The following COL6A6 variants were observed in gnomAD, a reference collection of about 807,000 sequenced individuals.
COL6A6 encodes the protein collagen alpha-6(VI) chain.
Under a neutral mutation model 208.6 loss-of-function variants are expected in COL6A6, and 183 were observed. The ratio of observed to expected loss-of-function variants is 0.88; its 90% confidence interval spans 0.78 to 0.99. The LOEUF is 0.99. COL6A6 is among the 50% of genes least tolerant of loss of function. The probability of loss-of-function intolerance (pLI) is 0.00; values close to 1 mark genes in which losing one functional copy is unlikely to be tolerated. For synonymous variants in COL6A6, 973 were observed against 1,011.8 expected (o/e 0.96, Z 0.73); for missense variants, 2,816 against 2,815.2 (o/e 1.00, Z -0.01).
chr3:130,608,978 C>T lies in COL6A6; in HGVS notation c.4752+14C>T. On this transcript the variant is annotated intron_variant, in intron 22 of 36. Transcript: ENST00000358511. ...AAGGGCCCTCAGGTACATATCAAGA[C>T]CAATCAGGGTGTGAGAACATAAAGA... The T allele has an allele frequency of 6.2e-7, 1 of 1,600,236 alleles. No homozygotes were observed. Among genetic ancestry groups the T allele is most frequent in the Non-Finnish European group, 8.6e-7 (1 of 1,168,442 alleles).
intron 6 of COL6A6, among the ~76,000 whole-genome samples, chr3:130,568,905 T>C (rs1453743487): frequency 6.6e-6 from 1 of 152,154 alleles, no homozygotes; most frequent in African/African-American, 2.4e-5. Flanking sequence ...AGGGGCTCTT[T>C]GGAAGTGATT....
At chr3:130,649,587 G>A in intron 33 of COL6A6, 25 bp downstream of exon 33, 4 of 1,532,240 alleles carry the variant, frequency 2.6e-6, no homozygotes, top group Non-Finnish European at 1.8e-6. Context: ...CCTTTCACAT[G>A]ACAATTCTTA....
intron 31 of COL6A6, 77 bp downstream of exon 31, chr3:130,643,100 T>C: frequency 2.7e-6 from 4 of 1,465,228 alleles, no homozygotes; most frequent in African/African-American, 1.4e-5. Flanking sequence ...ACACTCAGAA[T>C]TGAATTCACC....
At chr3:130,574,923 G>A (rs917163855) in intron 8 of COL6A6, among the ~76,000 whole-genome samples, 1 of 152,142 alleles carries the variant, frequency 6.6e-6, no homozygotes, top group African/African-American at 2.4e-5. Flanking sequence ...CTGTGGTACA[G>A]GTAGGTAAGA....
chr3:130,593,327 G>C, intron 17 of COL6A6, 75 bp downstream of exon 17: 3 of 1,129,954 alleles, frequency 2.7e-6, no homozygotes, highest in Non-Finnish European at 4.0e-6. Context: ...AGAATACTCA[G>C]TCAGCTATTG....
intron 1 of COL6A6, among the ~76,000 whole-genome samples, chr3:130,556,273 C>T (rs2062766449): frequency 6.6e-6 from 1 of 152,130 alleles, no homozygotes. Context: ...TAATATTTAT[C>T]TTCATGAGTG....
chr3:130,569,931 G>T lies in COL6A6; in HGVS notation c.2402-887G>T, dbSNP rs544295285. On this transcript the variant is annotated intron_variant, in intron 6 of 36. Coordinates refer to ENST00000358511, the MANE Select transcript of COL6A6 (RefSeq NM_001102608.3). ...AAGAAGAAAATGTGGCAAGCCTCTG[G>T]GGGGTGGGTGCTTTCTCACAATTCC... Among the ~76,000 whole-genome samples, 27 of 152,320 alleles carry T rather than the reference G, an allele frequency of 1.8e-4. No homozygotes were observed. The East Asian group carries it at 4.6e-3, about 26-fold the overall frequency.
In COL6A6 at chr3:130,611,949, G is replaced by A. The variant is rs114949704; in HGVS notation, c.4815+1238G>A. ...ATCCTTTCCCATCCTTTACTTTCAA[G>A]TAGGCCTCAGTGCCTGTTGTTCCCC... On this transcript the variant is annotated intron_variant, in intron 23 of 36. Transcript: ENST00000358511. Among the ~76,000 whole-genome samples the A allele has an allele frequency of 6.1e-3, 929 of 151,950 alleles. 8 individuals carry two copies. The highest frequency in any genetic ancestry group is 0.021 in the African/African-American group (877 of 41,470).
chr3:130,662,203 G>A lies in COL6A6; in HGVS notation c.6397G>A (p.Ala2133Thr), dbSNP rs772177618. The change falls in exon 35 of 37, where the codon GCC becomes ACC. Residue 2133 changes from alanine to threonine, a missense_variant. Coordinates refer to ENST00000358511, the MANE Select transcript of COL6A6 (RefSeq NM_001102608.3). ...IWDDKELEDLASHPLDHHLVQ... is the reference protein window; with the variant it reads ...IWDDKELEDLTSHPLDHHLVQ... ...GGATGACAAGGAACTGGAGGATCTCGCCAGCCACCCTTTGGATCACCACCT... is the reference window on the plus strand; with the variant it reads ...GGATGACAAGGAACTGGAGGATCTCACCAGCCACCCTTTGGATCACCACCT... 3 of 1,613,908 alleles carry A rather than the reference G, an allele frequency of 1.9e-6. No individual in the cohort carries two copies. Among genetic ancestry groups the A allele is most frequent in the South Asian group, 2.2e-5 (2 of 91,082 alleles).
At chr3:130,643,052 A>G in intron 31 of COL6A6, 29 bp downstream of exon 31, 1 of 1,607,870 alleles carries the variant, frequency 6.2e-7, no homozygotes, top group Non-Finnish European at 8.5e-7. Context: ...ATGATCACCC[A>G]AGTTGTCAGC....
chr3:130,670,388 C>A (rs895623438), intron 36 of COL6A6, among the ~76,000 whole-genome samples: 1 of 152,208 alleles, frequency 6.6e-6, no homozygotes, highest in Non-Finnish European at 1.5e-5. Context: ...GGGCACAGCA[C>A]TTGGGGTTTA....
At chr3:130,644,455 A>G (rs1229645451) in intron 31 of COL6A6, among the ~76,000 whole-genome samples, 1 of 152,220 alleles carries the variant, frequency 6.6e-6, no homozygotes, top group Non-Finnish European at 1.5e-5. Flanking sequence ...TGCCATGTTG[A>G]ACAGTACAGG....
Position 130,565,163 on chromosome 3 carries a change from A to G in COL6A6, c.831A>G (p.Thr277=), listed in dbSNP as rs1271634482. 6.2e-7 allele frequency: 1 copy of G among 1,614,068 alleles called. No individual in the cohort carries two copies. Among genetic ancestry groups the G allele is most frequent in the Admixed American group, 1.7e-5 (1 of 60,036 alleles). ...RVGLVAYSNE[T]KVINSLSMGI... ...GCCTTGTGGCCTATAGCAATGAGAC[A>G]AAAGTGATAAATTCACTGAGCATGG... Residue 277 remains threonine, a synonymous_variant, in exon 4 of 37, where the codon ACA becomes ACG. Coordinates refer to ENST00000358511, the MANE Select transcript of COL6A6 (RefSeq NM_001102608.3).
Position 130,563,354 on chromosome 3 carries a change from T to G in COL6A6, c.351T>G (p.Thr117=). The stretch of plus-strand genomic sequence containing the variant: ...AGGCTCTTCAGGAGGCTCACAGGAC[T>G]TATTTCTCTGCACCCGCAAATGGGA... ...IGKALQEAHR[T]YFSAPANGRD... Residue 117 remains threonine, a synonymous_variant, in exon 3 of 37, where the codon ACT becomes ACG. Coordinates refer to ENST00000358511, the MANE Select transcript of COL6A6 (RefSeq NM_001102608.3). 1.2e-6 allele frequency: 2 copies of G among 1,613,994 alleles called. No individual in the cohort carries two copies. Among genetic ancestry groups the G allele is most frequent in the African/African-American group, 2.7e-5 (2 of 75,054 alleles).
chr3:130,621,556 G>A (rs1453100802), intron 23 of COL6A6, among the ~76,000 whole-genome samples: 1 of 152,172 alleles, frequency 6.6e-6, no homozygotes, highest in Non-Finnish European at 1.5e-5. Context: ...TGTTCTTAGA[G>A]CAAAACAACC....
At position 130,568,230 on chromosome 3, in the gene COL6A6, T is replaced by G. The variant is rs368590638; in HGVS notation, c.2027T>G (p.Leu676Arg). ...GACATCAATAAGGAAGAGTTTCAGC[T>G]CAACAGATTCATGTCCCAAAGCGAC... is the stretch of plus-strand genomic sequence containing the variant. ...FSDINKEEFQ[L>R]NRFMSQSDIS... is the part of the protein sequence containing the mutation. Residue 676 changes from leucine to arginine, a missense_variant, in exon 6 of 37, where the codon CTC (leucine) becomes CGC (arginine). Coordinates refer to ENST00000358511, the MANE Select transcript of COL6A6 (RefSeq NM_001102608.3). 4 of 1,613,882 alleles carry G rather than the reference T, an allele frequency of 2.5e-6. No individual in the cohort carries two copies. The highest frequency in any genetic ancestry group is 1.3e-5 in the African/African-American group (1 of 74,910).
At chr3:130,556,318 C>T (rs1040462990) in intron 1 of COL6A6, among the ~76,000 whole-genome samples, 1 of 151,860 alleles carries the variant, frequency 6.6e-6, no homozygotes, top group Non-Finnish European at 1.5e-5. Flanking sequence ...TCATATTGTC[C>T]TTGTTTGATT....
At chr3:130,566,581 C>G in intron 4 of COL6A6, 121 bp from the exon 5 acceptor site, 1 of 759,978 alleles carries the variant, frequency 1.3e-6, no homozygotes, top group South Asian at 2.1e-5. Flanking sequence ...TATTTTAAGC[C>G]TAGAAGCTGT....
intron 26 of COL6A6, among the ~76,000 whole-genome samples, chr3:130,627,572 A>T (rs781025363): frequency 4.6e-5 from 7 of 152,236 alleles, no homozygotes; most frequent in Non-Finnish European, 7.3e-5. Flanking sequence ...GCAACAAGTG[A>T]AACTTGAAAA....
Sources: allele counts gnomAD v4.1 joint callset (sites outside exome capture counted in the v4.1 genomes callset), GRCh38; gene constraint gnomAD v4.1.1; transcripts MANE v1.5; gene names NCBI Gene and HGNC (gene_info 2026-07-23, HGNC 2026-07-21).